The following ASPRV1 variants were observed in gnomAD, a reference collection of about 807,000 sequenced individuals.
ASPRV1 encodes the protein aspartic peptidase retroviral like 1, also known as retroviral-like aspartic protease 1.
A neutral mutation model predicts 11.0 loss-of-function variants in ASPRV1; 7 were observed. The ratio of observed to expected loss-of-function variants is 0.64; its 90% CI spans 0.36 to 1.20. ASPRV1 has a LOEUF of 1.20. Ranked by LOEUF, ASPRV1 falls within the 50% of genes most tolerant of loss-of-function variation. The probability of loss-of-function intolerance (pLI) is 0.02; values close to 1 mark genes in which losing one functional copy is unlikely to be tolerated. For missense variants in ASPRV1, 299 were observed against 320.0 expected, an observed-to-expected ratio of 0.93 and a Z score of 0.50; for synonymous variants, 136 against 138.4, an observed-to-expected ratio of 0.98 and a Z score of 0.12.
chr2:70,026,988 C>G, the ASPRV1 span, among the ~76,000 whole-genome samples: 1 of 152,038 alleles, frequency 6.6e-6, no homozygotes, highest in Non-Finnish European at 1.5e-5. Flanking sequence ...TGGACACTCA[C>G]GCCTGTAATC....
chr2:69,945,818 G>A, the ASPRV1 span, among the ~76,000 whole-genome samples: 1 of 152,236 alleles, frequency 6.6e-6, no homozygotes, highest in African/African-American at 2.4e-5. Context: ...TGGAGCTAGA[G>A]AGGCCCACTC....
chr2:69,941,597 G>A, the ASPRV1 span: 1 of 152,196 alleles, frequency 6.6e-6, no homozygotes, highest in South Asian at 2.1e-4. Flanking sequence ...TTTTAAGGTG[G>A]GCATTTTCCT....
chr2:69,934,802 G>A, the ASPRV1 span, among the ~76,000 whole-genome samples: 3 of 152,252 alleles, frequency 2.0e-5, no homozygotes, highest in South Asian at 2.1e-4. Context: ...AGTACTACAC[G>A]GTGTGGATGT....
chr2:70,062,655 T>C, the ASPRV1 span, among the ~76,000 whole-genome samples: 1 of 152,136 alleles, frequency 6.6e-6, no homozygotes, highest in Non-Finnish European at 1.5e-5. Context: ...GAGCTAAGTG[T>C]GATGGTGCAC....
At chr2:69,933,828 T>C in the ASPRV1 span, among the ~76,000 whole-genome samples, 1 of 152,206 alleles carries the variant, frequency 6.6e-6, no homozygotes, top group East Asian at 1.9e-4. Flanking sequence ...GTACAATTCT[T>C]AAGAGGAAAA....
At chr2:70,004,940 C>A in the ASPRV1 span, among the ~76,000 whole-genome samples, 6 of 152,144 alleles carry the variant, frequency 3.9e-5, no homozygotes, top group Non-Finnish European at 5.9e-5. Context: ...TAGAATAGTG[C>A]CTGGCTCACG....
chr2:69,974,673 C>T, the ASPRV1 span, among the ~76,000 whole-genome samples: 1 of 152,196 alleles, frequency 6.6e-6, no homozygotes, highest in Non-Finnish European at 1.5e-5. Flanking sequence ...CCAGTCTGCT[C>T]CTCTGTGGGC....
chr2:70,038,223 G>A, the ASPRV1 span, among the ~76,000 whole-genome samples: 11 of 152,152 alleles, frequency 7.2e-5, no homozygotes, highest in Non-Finnish European at 1.5e-4. Flanking sequence ...AACATCAGAG[G>A]GTCTACATAT....
At chr2:69,969,688 G>A in the ASPRV1 span, among the ~76,000 whole-genome samples, 1 of 151,822 alleles carries the variant, frequency 6.6e-6, no homozygotes, top group African/African-American at 2.4e-5. Flanking sequence ...GTCTGCCTAC[G>A]AGTCCACTTT....
the ASPRV1 span, chr2:70,046,467 GATT>G: frequency 1.3e-5 from 2 of 152,186 alleles, no homozygotes; most frequent in East Asian, 3.8e-4. Context: ...CACAGAAGCA[GATT>G]ATTAAGGCTA....
At chr2:70,085,798 A>C in the ASPRV1 span, 1 of 152,256 alleles carries the variant, frequency 6.6e-6, no homozygotes, top group East Asian at 1.9e-4. Flanking sequence ...ATTGTGGTAA[A>C]CTATTAATAA....
At chr2:70,071,442 G>A in the ASPRV1 span, among the ~76,000 whole-genome samples, 7 of 152,228 alleles carry the variant, frequency 4.6e-5, no homozygotes, top group South Asian at 8.3e-4. Flanking sequence ...ATAGTTCCGG[G>A]GTACTGGTCT....
At chr2:69,977,007 C>T in the ASPRV1 span, among the ~76,000 whole-genome samples, 2 of 152,062 alleles carry the variant, frequency 1.3e-5, no homozygotes, top group African/African-American at 4.8e-5. Flanking sequence ...GCCTGGCCAA[C>T]ATGGTGAAAC....
the ASPRV1 span, among the ~76,000 whole-genome samples, chr2:69,937,731 A>C: frequency 6.6e-5 from 10 of 152,000 alleles, no homozygotes; most frequent in Admixed American, 5.9e-4. Flanking sequence ...TCCCCTGCCT[A>C]AGCCTCCCAA....
upstream of ASPRV1, chr2:69,963,597 G>A (rs1377663700): frequency 7.9e-6 from 3 of 380,318 alleles, no homozygotes; most frequent in Non-Finnish European, 1.6e-5. Flanking sequence ...CAAATGCCCT[G>A]AACCGGCTTT....
chr2:69,992,172 G>A, the ASPRV1 span, among the ~76,000 whole-genome samples: 2 of 152,008 alleles, frequency 1.3e-5, no homozygotes, highest in South Asian at 2.1e-4. Flanking sequence ...GCCAGTGTGA[G>A]GACTATTCTC....
the ASPRV1 span, chr2:70,069,402 A>G: frequency 6.6e-6 from 1 of 152,196 alleles, no homozygotes; most frequent in Admixed American, 6.5e-5. Flanking sequence ...CTGATAAGAC[A>G]TGGTTTATGA....
chr2:69,996,698 G>A, the ASPRV1 span: 4 of 456,616 alleles, frequency 8.8e-6, no homozygotes, highest in Non-Finnish European at 1.8e-5. Flanking sequence ...AATAGTAACT[G>A]GTTGATGTCA....
At chr2:70,043,780 C>A in the ASPRV1 span, among the ~76,000 whole-genome samples, 1 of 152,214 alleles carries the variant, frequency 6.6e-6, no homozygotes, top group Non-Finnish European at 1.5e-5. Flanking sequence ...TCACAGTAAA[C>A]CACAGACCCA....
Sources: allele counts gnomAD v4.1 joint callset (sites outside exome capture counted in the v4.1 genomes callset), GRCh38; gene constraint gnomAD v4.1.1; transcripts MANE v1.5; gene names NCBI Gene and HGNC (gene_info 2026-07-23, HGNC 2026-07-21).